The following CLCN7 variants were observed in gnomAD, a reference collection of about 807,000 sequenced individuals.
CLCN7 encodes Cl-/H+ antiporter 7, also known as H(+)/Cl(-) exchange transporter 7.
Under a neutral mutation model 102.1 loss-of-function variants are expected in CLCN7, and 60 were observed. The observed-to-expected ratio is 0.59, with a 90% CI of 0.48 to 0.73. The LOEUF is 0.73. Ranked by LOEUF, CLCN7 falls within the 30% of genes least tolerant of loss-of-function variation. CLCN7 has a pLI of 0.00. For synonymous variants in CLCN7, 560 were observed against 490.5 expected (o/e 1.14, Z -1.87); for missense variants, 962 against 1,125.7 (o/e 0.85, Z 2.08).
At chr16:1,459,345 G>A in intron 6 of CLCN7, 158 bp from the exon 7 acceptor site, 2 of 597,274 alleles carry the variant, frequency 3.3e-6, no homozygotes. Flanking sequence ...CCAGGGAAGG[G>A]AAGAGCAGCA....
At chr16:1,447,119 C>T (rs758832034) in intron 23 of CLCN7, 33 bp from the exon 24 acceptor site, 10 of 1,564,248 alleles carry the variant, frequency 6.4e-6, no homozygotes, top group Non-Finnish European at 8.6e-6. Flanking sequence ...AGTGCCCGCC[C>T]ACACAGCAGA....
At chr16:1,461,568 G>A (rs201502057) in intron 3 of CLCN7, 35 bp downstream of exon 3, 21 of 1,611,500 alleles carry the variant, frequency 1.3e-5, no homozygotes, top group South Asian at 3.3e-5. Flanking sequence ...GGCAGAGGCC[G>A]GGTCTCAGGG....
intron 24 of CLCN7, 42 bp downstream of exon 24, chr16:1,446,964 A>G (rs114316234): frequency 2.0e-6 from 3 of 1,501,084 alleles, no homozygotes; most frequent in Non-Finnish European, 2.7e-6. Context: ...GGCAGAGGGG[A>G]GCCCTGCACG....
intron 2 of CLCN7, among the ~76,000 whole-genome samples, chr16:1,464,909 C>T (rs544176155): frequency 9.8e-4 from 150 of 152,296 alleles, no homozygotes; most frequent in African/African-American, 3.6e-3. Flanking sequence ...ATCTAAACCC[C>T]TGCCCTCTGA....
In CLCN7 at chr16:1,459,358, C is replaced by CAA. The variant is rs1488608841; in HGVS notation, c.595-172_595-171insTT. ...CCCCAGGGAAGGGAAGAGCAGCACA[C>CAA]ACGTCAGGGCCCCAGGGAAGGGGAG... On this transcript the variant is annotated intron_variant, in intron 6 of 24. Transcript: ENST00000382745. 837 of 531,140 alleles carry CAA rather than the reference C, an allele frequency of 1.6e-3. 31 individuals are homozygous for CAA. Among genetic ancestry groups the CAA allele is most frequent in the Non-Finnish European group, 2.2e-3 (656 of 293,066 alleles). 32.9% of individuals were successfully genotyped at this position (531,140 alleles called of 1,614,324 possible).
intron 1 of CLCN7, among the ~76,000 whole-genome samples, chr16:1,470,012 C>T (rs2039055468): frequency 6.6e-6 from 1 of 152,242 alleles, no homozygotes; most frequent in Non-Finnish European, 1.5e-5. Flanking sequence ...CCGTCAGGTC[C>T]CCTGAGGCAG....
At chr16:1,463,301 G>A (rs1434671891) in intron 2 of CLCN7, among the ~76,000 whole-genome samples, 1 of 152,156 alleles carries the variant, frequency 6.6e-6, no homozygotes, top group Non-Finnish European at 1.5e-5. Flanking sequence ...GACACCAAAA[G>A]TACAAGCAAC....
rs2038705941 is a variant in CLCN7, at chr16:1,449,365, G to A, written c.1618-38C>T. The A allele has an allele frequency of 2.6e-6, 4 of 1,563,270 alleles. No individual in the cohort carries two copies. In the East Asian group the frequency reaches 9.5e-5, roughly 37 times the overall value. On this transcript the variant is annotated intron_variant, in intron 17 of 24. Transcript: ENST00000382745. ...ACACGGAGGAGGTGTCAGTGTGGTGGCAGGCCCAAACCCACCAAGATACAC... is the reference window on the plus strand; with the variant it reads ...ACACGGAGGAGGTGTCAGTGTGGTGACAGGCCCAAACCCACCAAGATACAC...
In CLCN7 at chr16:1,459,149, G is replaced by A. The variant is rs965526239; in HGVS notation, c.633C>T (p.Cys211=). 1 of 1,613,148 alleles carries A rather than the reference G, an allele frequency of 6.2e-7. No individual in the cohort carries two copies. Among genetic ancestry groups the A allele is most frequent in the African/African-American group, 1.3e-5 (1 of 74,952 alleles). ...AAGSGIPQIK[C]FLNGVKIPHV... is the part of the protein sequence containing the mutation. The stretch of plus-strand genomic sequence containing the variant: ...GGGGGATCTTCACCCCGTTGAGGAA[G>A]CACTTGATCTGGGGGATTCCGCTGC... The change falls in exon 7 of 25, where the codon TGC becomes TGT. Residue 211 remains cysteine, a synonymous_variant. Transcript: ENST00000382745.
intron 7 of CLCN7, among the ~76,000 whole-genome samples, chr16:1,458,072 C>A (rs1006953937): frequency 6.6e-6 from 1 of 152,234 alleles, no homozygotes; most frequent in Non-Finnish European, 1.5e-5. Context: ...CACCTGCCTC[C>A]GCCAGCGTGG....
intron 1 of CLCN7, chr16:1,471,809 T>C (rs2039081919): frequency 6.6e-6 from 1 of 152,262 alleles, no homozygotes. Context: ...AGACTCCGCC[T>C]CTCCAGTCTG....
chr16:1,452,779 C>G lies in CLCN7; in HGVS notation c.1329G>C (p.Gly443=). 6.2e-7 allele frequency: 1 copy of G among 1,605,090 alleles called. No individual in the cohort carries two copies. The part of the protein sequence containing the change: ...YSSRDCQPLQ[G]GSMSYPLQLF... ...CCTGCAGCGGGTAGGACATGGAGCC[C>G]CCCTGCAGGGGCTGGCAATCCCGCG... The change falls in exon 15 of 25, where the codon GGG becomes GGC. Residue 443 remains glycine (G), a synonymous_variant. Transcript: ENST00000382745.
At chr16:1,456,059 C>T in intron 10 of CLCN7, 54 bp downstream of exon 10, 3 of 1,415,612 alleles carry the variant, frequency 2.1e-6, no homozygotes, top group Non-Finnish European at 1.9e-6. Context: ...GAGACCGTTC[C>T]TTCCAACACA....
intron 9 of CLCN7, 75 bp from the exon 10 acceptor site, chr16:1,456,281 G>T: frequency 9.1e-7 from 1 of 1,104,600 alleles, no homozygotes. Flanking sequence ...GCAACTGCCA[G>T]GACAGGGGCT....
At chr16:1,456,309 T>C in intron 9 of CLCN7, 103 bp from the exon 10 acceptor site, 1 of 849,104 alleles carries the variant, frequency 1.2e-6, no homozygotes, top group Non-Finnish European at 1.9e-6. Context: ...GGAAGGGGCT[T>C]TCAGGACAAC....
At chr16:1,454,295 C>T in intron 13 of CLCN7, 116 bp downstream of exon 13, 1 of 1,065,652 alleles carries the variant, frequency 9.4e-7, no homozygotes, top group Non-Finnish European at 1.4e-6. Flanking sequence ...CCCCGGGTGG[C>T]CCTGGGATGA....
rs186439151 is a variant in CLCN7, at chr16:1,462,020, G to T, written c.214-346C>A. ...GAATCGCTTGAACCCGGGATGCAGAGGTTGCAGTGAGCCGAGATTGCGCCG... is the reference window on the plus strand; with the variant it reads ...GAATCGCTTGAACCCGGGATGCAGATGTTGCAGTGAGCCGAGATTGCGCCG... On this transcript the variant is annotated intron_variant, in intron 2 of 24. Coordinates refer to ENST00000382745, the MANE Select transcript of CLCN7 (RefSeq NM_001287.6). Among the ~76,000 whole-genome samples the T allele has an allele frequency of 8.1e-4, 123 of 151,980 alleles. 1 individual carries two copies. Among genetic ancestry groups the T allele is most frequent in the Non-Finnish European group, 1.3e-3 (89 of 67,994 alleles).
In CLCN7 at chr16:1,446,585, G is replaced by A. The variant is rs1162744578; in HGVS notation, c.*46C>T. On this transcript the variant is annotated 3_prime_UTR_variant, in exon 25 of 25. Transcript: ENST00000382745. ...AGTGACTCCGGGAGGAAATGCAGAA[G>A]GGCCGGGGTGCCAGCGCCAGTGCCC... is the stretch of plus-strand genomic sequence containing the variant. 1.3e-6 allele frequency: 2 copies of A among 1,482,808 alleles called. No individual in the cohort carries two copies. Among genetic ancestry groups the A allele is most frequent in the Admixed American group, 3.9e-5 (2 of 50,974 alleles). The allele number at this position is 1,482,808 out of a possible 1,614,324, so 91.9% of individuals were successfully genotyped here.
At position 1,447,309 on chromosome 16, in the gene CLCN7, G is replaced by C; in HGVS notation, c.2250+83C>G. 8 of 1,294,084 alleles carry C rather than the reference G, an allele frequency of 6.2e-6. No individual in the cohort carries two copies. In the South Asian group the frequency reaches 6.9e-5, roughly 11 times the overall value. The allele number at this position is 1,294,084 out of a possible 1,614,324, so 80.2% of individuals were successfully genotyped here. A position where few individuals can be genotyped will look rare whatever the true frequency, so the allele number is the denominator to read the frequency against. Reference sequence around the variant, plus strand: ...AGTCCTCTCCGCTGTGGCCCCCCCCGGCTGCCCCTCCCCGAGGCTCTGGAC... The same window carrying C: ...AGTCCTCTCCGCTGTGGCCCCCCCCCGCTGCCCCTCCCCGAGGCTCTGGAC... On this transcript the variant is annotated intron_variant, in intron 23 of 24. Transcript: ENST00000382745.
Sources: gnomAD v4.1 joint callset for allele counts (sites outside exome capture counted in the v4.1 genomes callset) on GRCh38, gnomAD v4.1.1 for gene constraint, MANE v1.5 for transcripts, NCBI Gene and HGNC (gene_info 2026-07-23, HGNC 2026-07-21) for gene names.